The following ANTXR2 variants were observed in gnomAD, a reference collection of about 807,000 sequenced individuals.
ANTXR2 encodes anthrax toxin receptor 2.
Under a neutral mutation model 73.7 loss-of-function variants are expected in ANTXR2, and 44 were observed. That is an observed-to-expected ratio of 0.60 (90% CI 0.47 to 0.77). The LOEUF (loss-of-function observed/expected upper bound fraction) is 0.77. ANTXR2 is among the 30% of genes least tolerant of loss of function. The pLI is 0.00. For synonymous variants in ANTXR2, 217 were observed against 205.9 expected (o/e 1.05, Z -0.46); for missense variants, 604 against 592.5 (o/e 1.02, Z -0.20).
rs1578203564 is a variant in ANTXR2, at chr4:80,072,711, G to A, written c.-151C>T. ...GCGCCTGCGGCAGCGGGACCCACCA[G>A]CTGACAGGGAGGGAGAGAGGGAGGT... On this transcript the variant is annotated 5_prime_UTR_variant, in exon 1 of 17. Coordinates refer to ENST00000403729, the MANE Select transcript of ANTXR2 (RefSeq NM_058172.6). 3 of 1,349,520 alleles carry A rather than the reference G, an allele frequency of 2.2e-6. No homozygotes were observed. The highest frequency in any genetic ancestry group is 6.2e-5 in the East Asian group (2 of 32,426). The allele number at this position is 1,349,520 out of a possible 1,614,324, so 83.6% of individuals were successfully genotyped here. A position where few individuals can be genotyped will look rare whatever the true frequency, so the allele number is the denominator to read the frequency against.
chr4:80,063,480 CAT>C (rs138574986), intron 3 of ANTXR2, among the ~76,000 whole-genome samples: 5 of 151,446 alleles, frequency 3.3e-5, no homozygotes, highest in East Asian at 3.9e-4. Flanking sequence ...AATCAAACCA[CAT>C]ATATATATAT....
At chr4:80,011,535 G>C (rs1007714204) in intron 11 of ANTXR2, among the ~76,000 whole-genome samples, 3 of 152,060 alleles carry the variant, frequency 2.0e-5, no homozygotes, top group African/African-American at 7.2e-5. Flanking sequence ...ATATTTATTA[G>C]AACTTTTTCA....
chr4:80,072,752 G>A lies in ANTXR2; in HGVS notation c.-192C>T, dbSNP rs980591587. 21 of 1,288,306 alleles carry A rather than the reference G, an allele frequency of 1.6e-5. No individual in the cohort carries two copies. The highest frequency in any genetic ancestry group is 4.1e-5 in the Admixed American group (1 of 24,262). 79.8% of individuals were successfully genotyped at this position (1,288,306 alleles called of 1,614,324 possible). ...AGAGGGAGGTCCTGAGAGGACAAAG[G>A]GAGTCTCCGCCACCGCCGCAGCTGC... On this transcript the variant is annotated 5_prime_UTR_variant, in exon 1 of 17. Coordinates refer to ENST00000403729, the MANE Select transcript of ANTXR2 (RefSeq NM_058172.6).
At chr4:80,030,660 G>C (rs1015397473) in intron 10 of ANTXR2, among the ~76,000 whole-genome samples, 1 of 152,086 alleles carries the variant, frequency 6.6e-6, no homozygotes, top group Non-Finnish European at 1.5e-5. Context: ...ATGTGCGATA[G>C]ATATCTTGAA....
rs1190330305 is a variant in ANTXR2 at position 79,905,278 on chromosome 4, T to A, written c.*2151A>T. The A allele has an allele frequency of 6.6e-6, 1 of 152,208 alleles. No individual in the cohort carries two copies. The highest frequency in any genetic ancestry group is 1.9e-4 in the East Asian group (1 of 5,194). The allele number at this position is 152,208 out of a possible 1,614,324, so 9.4% of individuals were successfully genotyped here. On this transcript the variant is annotated 3_prime_UTR_variant, in exon 17 of 17. Transcript: ENST00000403729. ...ATGATATTAAAATAGCAATAATTGG[T>A]GTGCACTCATCAGAAATGAAGTGCC...
chr4:80,037,732 A>T (rs758827900), intron 7 of ANTXR2, among the ~76,000 whole-genome samples: 2 of 152,132 alleles, frequency 1.3e-5, no homozygotes, highest in Non-Finnish European at 2.9e-5. Context: ...AAAAATTTGG[A>T]CATAATTCAG....
At chr4:79,990,720 T>C (rs890870170) in intron 12 of ANTXR2, among the ~76,000 whole-genome samples, 2 of 152,102 alleles carry the variant, frequency 1.3e-5, no homozygotes, top group Admixed American at 1.3e-4. Context: ...TCACACTACC[T>C]GTCTTCAAAC....
At chr4:80,059,323 T>C (rs1734137783) in intron 3 of ANTXR2, among the ~76,000 whole-genome samples, 1 of 150,194 alleles carries the variant, frequency 6.7e-6, no homozygotes, top group South Asian at 2.1e-4. Context: ...ACAAACACCA[T>C]ATATATATAT....
At chr4:79,912,062 T>G (rs1234300301) in intron 16 of ANTXR2, among the ~76,000 whole-genome samples, 1 of 151,904 alleles carries the variant, frequency 6.6e-6, no homozygotes, top group Non-Finnish European at 1.5e-5. Flanking sequence ...TTATTTTGGT[T>G]TGGGAATATA....
chr4:80,015,868 AAG>A (rs1731817461), intron 11 of ANTXR2, among the ~76,000 whole-genome samples: 1 of 32,556 alleles, frequency 3.1e-5, no homozygotes, highest in Non-Finnish European at 6.9e-5. Flanking sequence ...AAGGAAAGGA[AAG>A]GAAAGGAAAG....
chr4:79,989,017 A>T (rs958286674), intron 12 of ANTXR2, among the ~76,000 whole-genome samples: 1 of 152,150 alleles, frequency 6.6e-6, no homozygotes, highest in Non-Finnish European at 1.5e-5. Flanking sequence ...AAAAGTTTAT[A>T]GTGTTAAATG....
intron 10 of ANTXR2, among the ~76,000 whole-genome samples, chr4:80,023,709 A>G (rs1434713886): frequency 1.3e-5 from 2 of 152,162 alleles, no homozygotes; most frequent in African/African-American, 4.8e-5. Flanking sequence ...AAAGGAGTCC[A>G]TGCAGATGGA....
chr4:79,920,830 A>C (rs1465366032), intron 16 of ANTXR2, among the ~76,000 whole-genome samples: 1 of 152,160 alleles, frequency 6.6e-6, no homozygotes, highest in Non-Finnish European at 1.5e-5. Context: ...AGTTAAGATA[A>C]GTGACTTATA....
intron 16 of ANTXR2, among the ~76,000 whole-genome samples, chr4:79,934,476 A>C (rs1474854716): frequency 6.6e-6 from 1 of 152,020 alleles, no homozygotes; most frequent in African/African-American, 2.4e-5. Context: ...GCAATGAGCC[A>C]AGATCATGCC....
At chr4:80,072,295 CT>C in intron 1 of ANTXR2, 113 bp downstream of exon 1, 3 of 1,229,824 alleles carry the variant, frequency 2.4e-6, no homozygotes, top group Non-Finnish European at 3.3e-6. Flanking sequence ...CAGGGCACCC[CT>C]CCGCGGGTTT....
chr4:80,018,067 C>A (rs6820219), intron 11 of ANTXR2, among the ~76,000 whole-genome samples: 1 of 151,950 alleles, frequency 6.6e-6, no homozygotes, highest in South Asian at 2.1e-4. Flanking sequence ...GGGTATCTCT[C>A]GAATTAGTAG....
intron 16 of ANTXR2, among the ~76,000 whole-genome samples, chr4:79,960,233 G>A (rs1252829741): frequency 6.6e-6 from 1 of 151,994 alleles, no homozygotes; most frequent in African/African-American, 2.4e-5. Context: ...GAAAACAAAA[G>A]TGCTTGATTT....
chr4:79,949,556 G>C (rs977007634), intron 16 of ANTXR2, among the ~76,000 whole-genome samples: 1 of 152,090 alleles, frequency 6.6e-6, no homozygotes, highest in African/African-American at 2.4e-5. Flanking sequence ...TGTCTTCAGT[G>C]GCCCAAGAAT....
At chr4:80,000,220 A>G (rs1035273613) in intron 12 of ANTXR2, among the ~76,000 whole-genome samples, 1 of 152,068 alleles carries the variant, frequency 6.6e-6, no homozygotes, top group South Asian at 2.1e-4. Context: ...GTTCCTACTA[A>G]AAATGATTAC....
Sources: allele counts gnomAD v4.1 joint callset (sites outside exome capture counted in the v4.1 genomes callset), GRCh38; gene constraint gnomAD v4.1.1; transcripts MANE v1.5; gene names NCBI Gene and HGNC (gene_info 2026-07-23, HGNC 2026-07-21).